The following LSAMP variants were observed in gnomAD, a reference collection of about 807,000 sequenced individuals.
LSAMP encodes the protein limbic system-associated membrane protein.
Under a neutral mutation model 38.6 loss-of-function variants are expected in LSAMP, and 7 were observed. That is an observed-to-expected ratio of 0.18 (90% confidence interval 0.10 to 0.34). The LOEUF (loss-of-function observed/expected upper bound fraction) is 0.34. LSAMP is among the 10% of genes least tolerant of loss of function. The pLI, the probability that LSAMP is intolerant of heterozygous loss-of-function variation, is 1.00. For missense variants in LSAMP, 313 were observed against 420.0 expected, an observed-to-expected ratio of 0.75 and a Z score of 2.23; for synonymous variants, 154 against 166.8, an observed-to-expected ratio of 0.92 and a Z score of 0.59.
chr3:116,287,860 T>C (rs1261158946), intron 1 of LSAMP, among the ~76,000 whole-genome samples: 1 of 151,346 alleles, frequency 6.6e-6, no homozygotes, highest in Non-Finnish European at 1.5e-5. Flanking sequence ...GAAGTGTTAA[T>C]GGGCAGCCTC....
Position 116,298,065 on chromosome 3 carries a change from C to A in LSAMP, c.155+146812G>T, listed in dbSNP as rs187737496. Among the ~76,000 whole-genome samples the A allele has an allele frequency of 3.8e-3, 584 of 152,284 alleles. 4 individuals are homozygous for A. Among genetic ancestry groups the A allele is most frequent in the African/African-American group, 0.013 (554 of 41,556 alleles). On this transcript the variant is annotated intron_variant, in intron 1 of 6. Transcript: ENST00000490035. ...GCATGCTTCTTCAACAATTCCTCAA[C>A]GTATGTTCTGTTTCTCTTTATCATT...
intron 1 of LSAMP, among the ~76,000 whole-genome samples, chr3:116,184,732 T>C (rs1710570868): frequency 6.6e-6 from 1 of 151,878 alleles, no homozygotes; most frequent in Non-Finnish European, 1.5e-5. Context: ...GTGCCTTTTA[T>C]GGGATCCTGC....
At chr3:116,220,780 GA>G (rs1389710827) in intron 1 of LSAMP, among the ~76,000 whole-genome samples, 1 of 152,190 alleles carries the variant, frequency 6.6e-6, no homozygotes, top group Non-Finnish European at 1.5e-5. Flanking sequence ...GACATGGCCA[GA>G]ATAAGCAGCC....
At chr3:116,372,611 C>T (rs1179745965) in intron 1 of LSAMP, among the ~76,000 whole-genome samples, 2 of 151,604 alleles carry the variant, frequency 1.3e-5, no homozygotes, top group Non-Finnish European at 3.0e-5. Flanking sequence ...ACACTATCAA[C>T]AGAGTAAAAA....
At chr3:115,867,755 CAG>C (rs142457745) in intron 3 of LSAMP, among the ~76,000 whole-genome samples, 1,649 of 152,170 alleles carry the variant, frequency 0.011, 35 homozygotes, top group African/African-American at 0.038. Flanking sequence ...TCAGGGCAAA[CAG>C]AGAGATTTGT....
intron 1 of LSAMP, among the ~76,000 whole-genome samples, chr3:116,346,118 A>G (rs1384695045): frequency 6.6e-6 from 1 of 152,180 alleles, no homozygotes; most frequent in Non-Finnish European, 1.5e-5. Context: ...ATTAGACTCT[A>G]GAACCTCAGT....
chr3:116,024,504 A>G (rs945285567), intron 2 of LSAMP, among the ~76,000 whole-genome samples: 1 of 152,182 alleles, frequency 6.6e-6, no homozygotes, highest in Admixed American at 6.5e-5. Context: ...GTGTCTGTAT[A>G]TTTCAGGAAC....
At chr3:116,188,041 C>G (rs185655614) in intron 1 of LSAMP, among the ~76,000 whole-genome samples, 16 of 152,168 alleles carry the variant, frequency 1.1e-4, no homozygotes, top group African/African-American at 3.6e-4. Flanking sequence ...TGAGAACATG[C>G]AGTATTTTGT....
intron 3 of LSAMP, among the ~76,000 whole-genome samples, chr3:116,007,474 T>A (rs559854129): frequency 6.6e-6 from 1 of 152,244 alleles, no homozygotes; most frequent in Admixed American, 6.5e-5. Flanking sequence ...GCCAAGAGAA[T>A]GATGAGGATT....
At chr3:116,444,220 T>A (rs1370053214) in intron 1 of LSAMP, among the ~76,000 whole-genome samples, 1 of 152,228 alleles carries the variant, frequency 6.6e-6, no homozygotes, top group African/African-American at 2.4e-5. Flanking sequence ...TTGTGTTGAT[T>A]TATATCCACA....
chr3:115,813,995 T>C (rs1336980331), intron 6 of LSAMP, among the ~76,000 whole-genome samples: 1 of 152,230 alleles, frequency 6.6e-6, no homozygotes. Flanking sequence ...GTCTTTTTCA[T>C]ATAACAGACA....
At chr3:116,407,753 G>A (rs903087588) in intron 1 of LSAMP, among the ~76,000 whole-genome samples, 13 of 151,992 alleles carry the variant, frequency 8.6e-5, no homozygotes, top group African/African-American at 3.1e-4. Context: ...AGCATGACAG[G>A]AACAATCTAG....
chr3:116,169,656 T>C lies in LSAMP; in HGVS notation c.156-83100A>G, dbSNP rs568044096. Reference sequence around the variant, plus strand: ...TTTGTAAGGCAGGCCTTCTAAAAATTAAGCTCATTTTATAAATTCTTCATT... The same window carrying C: ...TTTGTAAGGCAGGCCTTCTAAAAATCAAGCTCATTTTATAAATTCTTCATT... On this transcript the variant is annotated intron_variant, in intron 1 of 6. Coordinates refer to ENST00000490035, the MANE Select transcript of LSAMP (RefSeq NM_002338.5). Among the ~76,000 whole-genome samples, 14 of 152,324 alleles carry C rather than the reference T, an allele frequency of 9.2e-5. No individual in the cohort carries two copies. The South Asian group carries it at 2.7e-3, about 29-fold the overall frequency.
intron 1 of LSAMP, among the ~76,000 whole-genome samples, chr3:116,300,729 G>C (rs1158340666): frequency 6.6e-6 from 1 of 152,112 alleles, no homozygotes; most frequent in Non-Finnish European, 1.5e-5. Context: ...CCCTACCCCA[G>C]TTTGTGGAAA....
At chr3:116,168,659 T>C (rs16824491) in intron 1 of LSAMP, among the ~76,000 whole-genome samples, 37,394 of 152,062 alleles carry the variant, frequency 0.25, 4,640 homozygotes, top group Admixed American at 0.28. Context: ...GCTCCCATGG[T>C]GTGAGGTGAC....
chr3:115,964,202 T>G (rs2107599498), intron 3 of LSAMP, among the ~76,000 whole-genome samples: 1 of 152,308 alleles, frequency 6.6e-6, no homozygotes, highest in Admixed American at 6.5e-5. Flanking sequence ...TTTATTTGGT[T>G]TTAAATAGTT....
chr3:116,325,331 T>C (rs2047755550), intron 1 of LSAMP, among the ~76,000 whole-genome samples: 1 of 152,072 alleles, frequency 6.6e-6, no homozygotes, highest in South Asian at 2.1e-4. Context: ...AAACAAGGAA[T>C]CGCTACCTCT....
chr3:115,835,218 T>C (rs967137205), intron 6 of LSAMP, among the ~76,000 whole-genome samples: 7 of 152,198 alleles, frequency 4.6e-5, no homozygotes, highest in African/African-American at 1.7e-4. Context: ...CCCCTCTTTT[T>C]ATAATACATT....
At chr3:115,854,175 G>A (rs562922046) in intron 3 of LSAMP, among the ~76,000 whole-genome samples, 22 of 150,882 alleles carry the variant, frequency 1.5e-4, no homozygotes, top group Admixed American at 1.3e-3. Flanking sequence ...TGGTTCTGAA[G>A]TTCTGCACAT....
Sources: gnomAD v4.1 joint callset for allele counts (sites outside exome capture counted in the v4.1 genomes callset) on GRCh38, gnomAD v4.1.1 for gene constraint, MANE v1.5 for transcripts, NCBI Gene and HGNC (gene_info 2026-07-23, HGNC 2026-07-21) for gene names.